Variants in GATD1 observed in about 807,000 individuals in gnomAD.
GATD1 encodes the protein glutamine amidotransferase class 1 domain containing 1, also known as glutamine amidotransferase-like class 1 domain-containing protein 1.
Under a neutral mutation model 25.9 loss-of-function variants are expected in GATD1, and 23 were observed. The ratio of observed to expected loss-of-function variants is 0.89; its 90% CI spans 0.64 to 1.26. The LOEUF (loss-of-function observed/expected upper bound fraction) is 1.26, where lower values mean the gene tolerates loss of function less well. Ranked by LOEUF, GATD1 falls within the 50% of genes most tolerant of loss-of-function variation. GATD1 has a pLI of 0.00. For missense variants in GATD1, 347 were observed against 312.5 expected (o/e 1.11, Z -0.83); for synonymous variants, 177 against 134.6 (o/e 1.31, Z -2.18).
chr11:767,435 C>A lies in GATD1; in HGVS notation c.*3462G>T, dbSNP rs1369025042. 2.0e-6 allele frequency: 3 copies of A among 1,502,022 alleles called. No individual in the cohort carries two copies. The African/African-American group carries it at 4.2e-5, about 21-fold the overall frequency. 93.0% of individuals were successfully genotyped at this position (1,502,022 alleles called of 1,614,324 possible). ...TCCAAGCCAGAGGCCTCGCACGCAG[C>A]TGAGGAATGACGCAGGGGCCTGCAG... On this transcript the variant is annotated 3_prime_UTR_variant, in exon 8 of 8. Transcript: ENST00000319863.
In GATD1 at chr11:769,236, G is replaced by A; in HGVS notation, c.*1661C>T. 4.1e-6 allele frequency: 4 copies of A among 985,494 alleles called. No individual in the cohort carries two copies. Among genetic ancestry groups the A allele is most frequent in the South Asian group, 4.7e-5 (1 of 21,292 alleles). 61.0% of individuals were successfully genotyped at this position (985,494 alleles called of 1,614,324 possible). ...CCTGACTAATCTGCGAGGCACTGGA[G>A]GGACGCAGCCTTCAGGGCGGGGATG... On this transcript the variant is annotated 3_prime_UTR_variant, in exon 8 of 8. Coordinates refer to ENST00000319863, the MANE Select transcript of GATD1 (RefSeq NM_182612.4).
rs1362630586 is a variant in GATD1 at position 770,978 on chromosome 11, C to T, written c.656+15G>A. ...CTCTGATGTGGCAGGAATGTGCCCA[C>T]CCTGGTGCCCTCACCGGCTGCCACA... On this transcript the variant is annotated intron_variant, in intron 7 of 7. Transcript: ENST00000319863. 5 of 1,613,404 alleles carry T rather than the reference C, an allele frequency of 3.1e-6. No individual in the cohort carries two copies. In the East Asian group the frequency reaches 6.7e-5, roughly 22 times the overall value.
rs1863223646 is a variant in GATD1, at chr11:769,132, C to T, written c.*1765G>A. ...ATAAATAAAATAAAAAGCATTTGTCCACAGAGGTCCATCACCACACGGGGA... is the reference window on the plus strand; with the variant it reads ...ATAAATAAAATAAAAAGCATTTGTCTACAGAGGTCCATCACCACACGGGGA... On this transcript the variant is annotated 3_prime_UTR_variant, in exon 8 of 8. Transcript: ENST00000319863. 1 of 984,830 alleles carries T rather than the reference C, an allele frequency of 1.0e-6. No individual in the cohort carries two copies. The highest frequency in any genetic ancestry group is 6.2e-5 in the Admixed American group (1 of 16,238). The allele number at this position is 984,830 out of a possible 1,614,324, so 61.0% of individuals were successfully genotyped here.
chr11:769,036 G>A lies in GATD1; in HGVS notation c.*1861C>T, dbSNP rs1863218305. 9.4e-6 allele frequency: 6 copies of A among 637,224 alleles called. No homozygotes were observed. In the South Asian group the frequency reaches 4.1e-4, roughly 44 times the overall value. 39.5% of individuals were successfully genotyped at this position (637,224 alleles called of 1,614,324 possible). A position where few individuals can be genotyped will look rare whatever the true frequency, so the allele number is the denominator to read the frequency against. ...GAATCGCTTGAACCCGGGAGACAGA[G>A]GTTGCAGTGAGCCAAGATTGTGCCA... is the stretch of plus-strand genomic sequence containing the variant. On this transcript the variant is annotated 3_prime_UTR_variant, in exon 8 of 8. Transcript: ENST00000319863.
At position 769,342 on chromosome 11, in the gene GATD1, G is replaced by A; in HGVS notation, c.*1555C>T. On this transcript the variant is annotated 3_prime_UTR_variant, in exon 8 of 8. Coordinates refer to ENST00000319863, the MANE Select transcript of GATD1 (RefSeq NM_182612.4). ...TTATTTTATTATTTTTTATTTTTGA[G>A]ACGGAGTTTCACTCATTGCCCAGGT... The A allele has an allele frequency of 1.0e-6, 1 of 974,914 alleles. No homozygotes were observed. Among genetic ancestry groups the A allele is most frequent in the Non-Finnish European group, 1.2e-6 (1 of 820,618 alleles). 60.4% of individuals were successfully genotyped at this position (974,914 alleles called of 1,614,324 possible).
At chr11:775,923 A>G (rs919228940) in intron 1 of GATD1, among the ~76,000 whole-genome samples, 4 of 145,318 alleles carry the variant, frequency 2.8e-5, no homozygotes, top group Non-Finnish European at 6.0e-5. Context: ...GTATCTCTCT[A>G]CATTTATTTT....
chr11:771,241 A>G (rs1317391650), intron 6 of GATD1, 92 bp downstream of exon 6: 1 of 1,551,790 alleles, frequency 6.4e-7, no homozygotes, highest in Non-Finnish European at 8.7e-7. Context: ...GGTCTATAGA[A>G]CCCAGGGCCC....
Position 767,465 on chromosome 11 carries a change from C to T in GATD1, c.*3432G>A. On this transcript the variant is annotated 3_prime_UTR_variant, in exon 8 of 8. Transcript: ENST00000319863. ...GAATGACGCAGGGGCCTGCAGGCAGCTCACGCGGAGACAGGTCTGTGGGGC... is the reference window on the plus strand; with the variant it reads ...GAATGACGCAGGGGCCTGCAGGCAGTTCACGCGGAGACAGGTCTGTGGGGC... The T allele has an allele frequency of 6.9e-7, 1 of 1,455,792 alleles. No individual in the cohort carries two copies. The highest frequency in any genetic ancestry group is 9.0e-7 in the Non-Finnish European group (1 of 1,109,962). The allele number at this position is 1,455,792 out of a possible 1,614,324, so 90.2% of individuals were successfully genotyped here.
chr11:771,265 C>G (rs1565007117), intron 6 of GATD1, 68 bp downstream of exon 6: 2 of 1,569,368 alleles, frequency 1.3e-6, no homozygotes, highest in Non-Finnish European at 1.7e-6. Context: ...AGGCTTCTCC[C>G]CCAGGCTGCA....
chr11:767,605 A>G lies in GATD1; in HGVS notation c.*3292T>C. 1.4e-6 allele frequency: 2 copies of G among 1,388,366 alleles called. No individual in the cohort carries two copies. Among genetic ancestry groups the G allele is most frequent in the Non-Finnish European group, 1.9e-6 (2 of 1,074,222 alleles). The allele number at this position is 1,388,366 out of a possible 1,614,324, so 86.0% of individuals were successfully genotyped here. ...GCTCAATGAGGCTCACTGGCTCTTC[A>G]TGCACCCTGCTGTGGCCTGAGCACG... On this transcript the variant is annotated 3_prime_UTR_variant, in exon 8 of 8. Transcript: ENST00000319863.
chr11:773,756 C>G (rs1002660560), intron 3 of GATD1, 127 bp from the exon 4 acceptor site: 2 of 741,532 alleles, frequency 2.7e-6, no homozygotes, highest in Non-Finnish European at 4.4e-6. Flanking sequence ...TGTCATCTGT[C>G]CCTTTTCCTC....
Position 770,593 on chromosome 11 carries a change from T to C in GATD1, c.*304A>G, listed in dbSNP as rs1156349347. 3.5e-6 allele frequency: 5 copies of C among 1,411,522 alleles called. No individual in the cohort carries two copies. The highest frequency in any genetic ancestry group is 1.4e-5 in the African/African-American group (1 of 69,372). 87.4% of individuals were successfully genotyped at this position (1,411,522 alleles called of 1,614,324 possible). A position where few individuals can be genotyped will look rare whatever the true frequency, so the allele number is the denominator to read the frequency against. On this transcript the variant is annotated 3_prime_UTR_variant, in exon 8 of 8. Transcript: ENST00000319863. The stretch of plus-strand genomic sequence containing the variant: ...ACCACACGTGACAACCAGTCCTCCC[T>C]AGAAAACCCAGCCTGGAATTCCCGA...
chr11:777,387 G>A lies in GATD1; in HGVS notation c.64+12C>T, dbSNP rs1189095342. 6 of 1,295,872 alleles carry A rather than the reference G, an allele frequency of 4.6e-6. No individual in the cohort carries two copies. In the South Asian group the frequency reaches 6.3e-5, roughly 14 times the overall value. 80.3% of individuals were successfully genotyped at this position (1,295,872 alleles called of 1,614,324 possible). ...CGCTCTTCGGACACTGGCCCCGGCCGCCGGGCCTCACCTTCGGCGGCGCCG... is the reference window on the plus strand; with the variant it reads ...CGCTCTTCGGACACTGGCCCCGGCCACCGGGCCTCACCTTCGGCGGCGCCG... On this transcript the variant is annotated intron_variant, in intron 1 of 7. Transcript: ENST00000319863.
At position 775,140 on chromosome 11, in the gene GATD1, C is replaced by A; in HGVS notation, c.67G>T (p.Val23Leu). 7 of 1,599,908 alleles carry A rather than the reference C, an allele frequency of 4.4e-6. No homozygotes were observed. Among genetic ancestry groups the A allele is most frequent in the Non-Finnish European group, 6.0e-6 (7 of 1,174,602 alleles). The change falls in exon 2 of 8, where the codon GTG becomes TTG. Residue 23 changes from valine (V) to leucine (L), a missense_variant and splice_region_variant. Transcript: ENST00000319863. ...CAGTGGAGGAAGGACTGGGCCGACA[C>A]ACCTGCAGAAGGTCCCAGTGAGTGT... ...LLVASGAAEGVSAQSFLHCFT... is the reference protein window; with the variant it reads ...LLVASGAAEGLSAQSFLHCFT...
Position 772,435 on chromosome 11 carries a change from G to T in GATD1, c.442C>A (p.Leu148Met). ...GGCCTCCAGACACTCACCCCTGTCA[G>T]GCTGTAGCTGTCGAACACCCAGGAT... is the stretch of plus-strand genomic sequence containing the variant. ...DRSWVFDSYS[L>M]TGPSVCELVR... Residue 148 changes from leucine to methionine, a missense_variant, in exon 5 of 8, where the codon CTG (leucine) becomes ATG (methionine). Leu to Met is a conservative substitution (Grantham distance 15, BLOSUM62 2). Coordinates refer to ENST00000319863, the MANE Select transcript of GATD1 (RefSeq NM_182612.4). The T allele has an allele frequency of 6.2e-7, 1 of 1,613,388 alleles. No individual in the cohort carries two copies. The highest frequency in any genetic ancestry group is 8.5e-7 in the Non-Finnish European group (1 of 1,179,930).
chr11:772,177 G>C (rs12800942), intron 5 of GATD1, among the ~76,000 whole-genome samples: 1 of 17,158 alleles, frequency 5.8e-5, no homozygotes, highest in South Asian at 6.8e-4. Flanking sequence ...CCAGAGGTTC[G>C]GGAGCCTCCG....
In GATD1 at chr11:770,721, A is replaced by T; in HGVS notation, c.*176T>A. On this transcript the variant is annotated 3_prime_UTR_variant, in exon 8 of 8. Coordinates refer to ENST00000319863, the MANE Select transcript of GATD1 (RefSeq NM_182612.4). ...GATGGGGGTTTGGACCCTCCAGGAG[A>T]GCCGACACCCCCTCAGAGCTGATTC... 1 of 1,463,814 alleles carries T rather than the reference A, an allele frequency of 6.8e-7. No individual in the cohort carries two copies. Among genetic ancestry groups the T allele is most frequent in the Non-Finnish European group, 9.0e-7 (1 of 1,114,290 alleles). The allele number at this position is 1,463,814 out of a possible 1,614,324, so 90.7% of individuals were successfully genotyped here.
Position 777,468 on chromosome 11 carries a change from G to A in GATD1, c.-6C>T, listed in dbSNP as rs945928653. On this transcript the variant is annotated 5_prime_UTR_variant, in exon 1 of 8. Transcript: ENST00000319863. ...GGGAGCCGCTCGGACGCCATGGCTCGGGCTCGGCGCTGGGTCTGCGCGTGC... is the reference window on the plus strand; with the variant it reads ...GGGAGCCGCTCGGACGCCATGGCTCAGGCTCGGCGCTGGGTCTGCGCGTGC... 54 of 1,233,842 alleles carry A rather than the reference G, an allele frequency of 4.4e-5. 1 individual carries two copies. In the African/African-American group the frequency reaches 6.7e-4, roughly 15 times the overall value. The allele number at this position is 1,233,842 out of a possible 1,614,324, so 76.4% of individuals were successfully genotyped here. A position where few individuals can be genotyped will look rare whatever the true frequency, so the allele number is the denominator to read the frequency against.
intron 3 of GATD1, 50 bp downstream of exon 3, chr11:773,958 C>G: frequency 6.5e-7 from 1 of 1,540,198 alleles, no homozygotes; most frequent in Non-Finnish European, 9.0e-7. Context: ...AACCCTTGAC[C>G]CTCCAAGGTC....
Sources: gnomAD v4.1 joint callset for allele counts (sites outside exome capture counted in the v4.1 genomes callset) on GRCh38, gnomAD v4.1.1 for gene constraint, MANE v1.5 for transcripts, NCBI Gene and HGNC (gene_info 2026-07-23, HGNC 2026-07-21) for gene names.